Variants in CTNNA3 observed in about 807,000 individuals in gnomAD.
The protein encoded by CTNNA3 is catenin alpha-3.
A neutral mutation model predicts 95.7 loss-of-function variants in CTNNA3; 76 were observed. The observed-to-expected ratio is 0.79, with a 90% CI of 0.66 to 0.96. The LOEUF is 0.96. Among genes scored for constraint, CTNNA3 ranks in the 40% least tolerant of loss-of-function variants. The pLI, the probability that CTNNA3 is intolerant of heterozygous loss-of-function variation, is 0.00. For missense variants in CTNNA3, 1,191 were observed against 1,089.8 expected (o/e 1.09, Z -1.31); for synonymous variants, 431 against 374.4 (o/e 1.15, Z -1.74).
intron 9 of CTNNA3, among the ~76,000 whole-genome samples, chr10:66,669,540 C>CAAA (rs151092812): frequency 1.3e-5 from 2 of 148,392 alleles, no homozygotes; most frequent in Non-Finnish European, 3.0e-5. Context: ...AGACTTTTGT[C>CAAA]AAAAAAAAAG....
chr10:66,468,415 T>G (rs989216754), intron 11 of CTNNA3, among the ~76,000 whole-genome samples: 2 of 151,974 alleles, frequency 1.3e-5, no homozygotes, highest in Non-Finnish European at 2.9e-5. Context: ...TTAGACAGAT[T>G]TTTTAAAAGT....
intron 7 of CTNNA3, among the ~76,000 whole-genome samples, chr10:67,106,532 G>A (rs750079644): frequency 6.6e-6 from 1 of 152,152 alleles, no homozygotes; most frequent in Non-Finnish European, 1.5e-5. Flanking sequence ...CATTTTACGG[G>A]TGTTCATTCA....
chr10:66,468,447 A>G (rs1476504977), intron 11 of CTNNA3, among the ~76,000 whole-genome samples: 1 of 151,934 alleles, frequency 6.6e-6, no homozygotes, highest in Non-Finnish European at 1.5e-5. Context: ...ATCAATATAA[A>G]ATTTAAAAGG....
intron 7 of CTNNA3, among the ~76,000 whole-genome samples, chr10:67,069,557 G>A (rs1324985152): frequency 6.2e-5 from 6 of 96,340 alleles, no homozygotes; most frequent in East Asian, 6.4e-4. Context: ...ACAGCAGCCC[G>A]CCCCACCCCA....
At chr10:67,745,368 T>A (rs768538866) in intron 1 of CTNNA3, among the ~76,000 whole-genome samples, 1 of 151,944 alleles carries the variant, frequency 6.6e-6, no homozygotes, top group Non-Finnish European at 1.5e-5. Context: ...AGTGACATGG[T>A]TGAAGCTGGA....
At position 66,451,205 on chromosome 10, in the gene CTNNA3, T is replaced by C. The variant is rs2093461536; in HGVS notation, c.1531+69412A>G. Among the ~76,000 whole-genome samples, 2 of 152,188 alleles carry C rather than the reference T, an allele frequency of 1.3e-5. 1 individual carries two copies. On this transcript the variant is annotated intron_variant, in intron 11 of 17. Transcript: ENST00000433211. ...TGATTAATAGTGGTAGTTTTAGTTG[T>C]GTGAGTTAAGACAAGATGATCACGT...
intron 6 of CTNNA3, among the ~76,000 whole-genome samples, chr10:67,191,304 A>C (rs1286960218): frequency 6.6e-6 from 1 of 152,020 alleles, no homozygotes; most frequent in African/African-American, 2.4e-5. Flanking sequence ...GGAAAAAAAG[A>C]AGTAAAATTT....
chr10:67,408,883 A>AAC (rs1491250757), intron 5 of CTNNA3, among the ~76,000 whole-genome samples: 1 of 24,096 alleles, frequency 4.2e-5, no homozygotes, highest in Non-Finnish European at 1.7e-4. Context: ...TTAAATTTAC[A>AAC]AAAAAAAAAA....
chr10:67,269,644 G>T (rs939438081), intron 5 of CTNNA3, among the ~76,000 whole-genome samples: 3 of 152,036 alleles, frequency 2.0e-5, no homozygotes, highest in East Asian at 3.9e-4. Flanking sequence ...CCAAACAAGT[G>T]CTCCTCCAAA....
intron 7 of CTNNA3, among the ~76,000 whole-genome samples, chr10:67,082,500 A>G (rs1444944320): frequency 6.6e-6 from 1 of 152,166 alleles, no homozygotes. Context: ...TAAGGCCATA[A>G]TCTCTAGAAA....
At chr10:66,639,731 C>T (rs1339103272) in intron 9 of CTNNA3, among the ~76,000 whole-genome samples, 3 of 152,104 alleles carry the variant, frequency 2.0e-5, no homozygotes, top group Non-Finnish European at 4.4e-5. Flanking sequence ...TTCATAACTA[C>T]CTTAAAAAGA....
At chr10:67,574,105 T>G (rs560515034) in intron 3 of CTNNA3, among the ~76,000 whole-genome samples, 16 of 152,296 alleles carry the variant, frequency 1.1e-4, no homozygotes, top group African/African-American at 3.8e-4. Flanking sequence ...GAAGAGCTTA[T>G]GATGAAAAGC....
chr10:66,922,663 A>G (rs1262007098), intron 7 of CTNNA3, among the ~76,000 whole-genome samples: 1 of 152,210 alleles, frequency 6.6e-6, no homozygotes, highest in East Asian at 1.9e-4. Flanking sequence ...GCTACTGATT[A>G]CTGTTGAGAA....
intron 7 of CTNNA3, among the ~76,000 whole-genome samples, chr10:66,823,106 C>T (rs1446800498): frequency 6.6e-6 from 1 of 152,202 alleles, no homozygotes; most frequent in Non-Finnish European, 1.5e-5. Flanking sequence ...ACCAGTCTCT[C>T]AGAGCCTCCA....
chr10:67,504,833 C>T (rs139691004), intron 5 of CTNNA3, among the ~76,000 whole-genome samples: 127 of 152,230 alleles, frequency 8.3e-4, no homozygotes, highest in Non-Finnish European at 1.2e-3. Context: ...AAAGAGATTC[C>T]AAAAAGACAG....
At chr10:66,101,001 G>T (rs959606201) in intron 14 of CTNNA3, among the ~76,000 whole-genome samples, 2 of 152,106 alleles carry the variant, frequency 1.3e-5, no homozygotes, top group Admixed American at 6.6e-5. Context: ...TCTAAAAAGA[G>T]CCTTAATTTT....
At chr10:66,402,207 C>T (rs1250868073) in intron 11 of CTNNA3, among the ~76,000 whole-genome samples, 1 of 152,076 alleles carries the variant, frequency 6.6e-6, no homozygotes, top group Non-Finnish European at 1.5e-5. Context: ...AACAGATATA[C>T]AATATTAAAG....
chr10:66,823,725 C>T (rs894567478), intron 7 of CTNNA3, among the ~76,000 whole-genome samples: 1 of 152,170 alleles, frequency 6.6e-6, no homozygotes, highest in East Asian at 1.9e-4. Flanking sequence ...ACTTTATATG[C>T]TTTATCCCAA....
At chr10:66,154,339 T>C (rs192366436) in intron 13 of CTNNA3, among the ~76,000 whole-genome samples, 60 of 151,866 alleles carry the variant, frequency 4.0e-4, no homozygotes, top group Non-Finnish European at 5.9e-4. Flanking sequence ...TCTTTTAACA[T>C]TGAGCAACTA....
Sources: allele counts gnomAD v4.1 joint callset (sites outside exome capture counted in the v4.1 genomes callset), GRCh38; gene constraint gnomAD v4.1.1; transcripts MANE v1.5; gene names NCBI Gene and HGNC (gene_info 2026-07-23, HGNC 2026-07-21).